Variants in GALNT17 observed in about 807,000 individuals in gnomAD.
The protein encoded by GALNT17 is UDP-GalNAc:polypeptide N-acetylgalactosaminyltransferase-like 3.
In GALNT17, 29 loss-of-function variants were observed where a neutral mutation model predicts 63.7. That is an observed-to-expected ratio of 0.46 (90% CI 0.34 to 0.62). The LOEUF (loss-of-function observed/expected upper bound fraction) is 0.62, where lower values mean the gene tolerates loss of function less well. Among genes scored for constraint, GALNT17 ranks in the 20% least tolerant of loss-of-function variants. The pLI is 0.01. For missense variants in GALNT17, 603 were observed against 799.6 expected, an observed-to-expected ratio of 0.75 and a Z score of 2.97; for synonymous variants, 305 against 318.3, an observed-to-expected ratio of 0.96 and a Z score of 0.45.
intron 1 of GALNT17, among the ~76,000 whole-genome samples, chr7:71,224,039 G>T (rs1789637048): frequency 6.6e-6 from 1 of 152,058 alleles, no homozygotes; most frequent in Admixed American, 6.6e-5. Flanking sequence ...AAGAAGCAGA[G>T]AAGCAGGTGT....
chr7:71,581,801 G>A (rs1477651380), intron 6 of GALNT17, among the ~76,000 whole-genome samples: 4 of 152,118 alleles, frequency 2.6e-5, no homozygotes, highest in Admixed American at 1.3e-4. Flanking sequence ...TGAGTTTGAG[G>A]AGTAGCAGTT....
Position 71,420,924 on chromosome 7 carries a change from T to C in GALNT17, c.781T>C (p.Ser261Pro). The change falls in exon 5 of 11, where the codon TCC becomes CCC. Residue 261 changes from serine (S) to proline (P), a missense_variant. By Grantham distance (74) the Ser-to-Pro change is moderately conservative. This residue lies in a region of GALNT17 where 336 missense variants were observed against 507.8 expected (regional missense o/e 0.66). Transcript: ENST00000333538. ...FTAGWAEPVLSRIQENRKRVI... is the reference protein window; with the variant it reads ...FTAGWAEPVLPRIQENRKRVI... ...ATGTTTCAGGGCTGAGCCGGTTCTA[T>C]CCCGCATCCAGGAAAACCGGAAGCG... is the stretch of plus-strand genomic sequence containing the variant. 1 of 1,614,124 alleles carries C rather than the reference T, an allele frequency of 6.2e-7. No homozygotes were observed. The highest frequency in any genetic ancestry group is 1.1e-5 in the South Asian group (1 of 91,080).
intron 1 of GALNT17, among the ~76,000 whole-genome samples, chr7:71,201,031 C>T (rs1379817458): frequency 2.0e-5 from 3 of 151,790 alleles, no homozygotes; most frequent in African/African-American, 7.3e-5. Flanking sequence ...ATCTCTCTGC[C>T]AAAATTGGGC....
At chr7:71,318,167 A>G (rs896748400) in intron 1 of GALNT17, among the ~76,000 whole-genome samples, 1 of 152,172 alleles carries the variant, frequency 6.6e-6, no homozygotes. Flanking sequence ...TGGCCTCCCA[A>G]GTACTGGGAT....
intron 1 of GALNT17, among the ~76,000 whole-genome samples, chr7:71,316,160 AAGGCAGGAGCCTCGC>A (rs1791494135): frequency 7.1e-6 from 1 of 141,320 alleles, no homozygotes; most frequent in Non-Finnish European, 1.6e-5. Flanking sequence ...CAAAGGGAGG[AAGGCAGGAGCCTCGC>A]AGGCCGCCTG....
chr7:71,420,258 G>C (rs2116450205), intron 4 of GALNT17, among the ~76,000 whole-genome samples: 1 of 152,322 alleles, frequency 6.6e-6, no homozygotes, highest in African/African-American at 2.4e-5. Flanking sequence ...TCGAGCTGGG[G>C]AAGTGAGCAG....
chr7:71,524,857 G>T (rs1327735293), intron 5 of GALNT17, among the ~76,000 whole-genome samples: 1 of 152,092 alleles, frequency 6.6e-6, no homozygotes, highest in African/African-American at 2.4e-5. Flanking sequence ...TTTAAACTCA[G>T]TTTTGGAGTC....
chr7:71,469,752 GT>G (rs1787597282), intron 5 of GALNT17, among the ~76,000 whole-genome samples: 1 of 152,194 alleles, frequency 6.6e-6, no homozygotes, highest in African/African-American at 2.4e-5. Flanking sequence ...ATGTAAGGAG[GT>G]AGCTTTAGGC....
chr7:71,486,370 TAATAATA>T (rs1787909432), intron 5 of GALNT17, among the ~76,000 whole-genome samples: 1 of 138,218 alleles, frequency 7.2e-6, no homozygotes, highest in Non-Finnish European at 1.5e-5. Context: ...ATAATAATAA[TAATAATA>T]ATAATAATAA....
At chr7:71,187,547 A>T (rs1372203235) in intron 1 of GALNT17, among the ~76,000 whole-genome samples, 1 of 152,150 alleles carries the variant, frequency 6.6e-6, no homozygotes, top group African/African-American at 2.4e-5. Flanking sequence ...AGCCACAAAA[A>T]TAAATGGTTT....
At chr7:71,422,371 T>A (rs529931543) in intron 5 of GALNT17, among the ~76,000 whole-genome samples, 103 of 152,342 alleles carry the variant, frequency 6.8e-4, no homozygotes, top group African/African-American at 2.4e-3. Flanking sequence ...GAATCCAGGA[T>A]TATCTCCCAT....
At chr7:71,607,266 G>C (rs1273065611) in intron 6 of GALNT17, among the ~76,000 whole-genome samples, 1 of 152,142 alleles carries the variant, frequency 6.6e-6, no homozygotes, top group Non-Finnish European at 1.5e-5. Context: ...GAAACTAAAG[G>C]AGTTCATCAT....
intron 1 of GALNT17, among the ~76,000 whole-genome samples, chr7:71,177,966 T>C (rs1333093239): frequency 6.6e-6 from 1 of 152,186 alleles, no homozygotes; most frequent in African/African-American, 2.4e-5. Context: ...TGTGGCCCTG[T>C]CTTTAATTCA....
At chr7:71,706,576 A>T (rs1031806209) in intron 9 of GALNT17, among the ~76,000 whole-genome samples, 1 of 152,136 alleles carries the variant, frequency 6.6e-6, no homozygotes, top group African/African-American at 2.4e-5. Flanking sequence ...GAATTTAAAT[A>T]TATTCAGGCA....
rs149657905 is a variant in GALNT17 at position 71,525,191 on chromosome 7, C to T, written c.963-46094C>T. On this transcript the variant is annotated intron_variant, in intron 5 of 10. Coordinates refer to ENST00000333538, the MANE Select transcript of GALNT17 (RefSeq NM_022479.3). Reference sequence around the variant, plus strand: ...GTGTGTTTTGTTTGTTTGTTTGTTTCGAGATGGAGTCTCGTTTTGTCTCCC... The same window carrying T: ...GTGTGTTTTGTTTGTTTGTTTGTTTTGAGATGGAGTCTCGTTTTGTCTCCC... Among the ~76,000 whole-genome samples the T allele has an allele frequency of 5.0e-3, 756 of 151,900 alleles. 12 individuals are homozygous for T. The highest frequency in any genetic ancestry group is 0.017 in the African/African-American group (719 of 41,456).
intron 5 of GALNT17, among the ~76,000 whole-genome samples, chr7:71,501,856 C>T (rs1296175015): frequency 6.6e-6 from 1 of 152,152 alleles, no homozygotes. Flanking sequence ...AAGCAGGAGC[C>T]ATCTCTCAGG....
At chr7:71,325,256 G>T (rs963109415) in intron 1 of GALNT17, among the ~76,000 whole-genome samples, 5 of 152,184 alleles carry the variant, frequency 3.3e-5, no homozygotes, top group Non-Finnish European at 7.4e-5. Flanking sequence ...CTAGCATAAG[G>T]TAGGATCTCC....
intron 1 of GALNT17, among the ~76,000 whole-genome samples, chr7:71,203,207 T>G (rs183451099): frequency 6.6e-6 from 1 of 152,308 alleles, no homozygotes; most frequent in African/African-American, 2.4e-5. Flanking sequence ...ATTTTTAATT[T>G]TTTGAGGAGC....
intron 2 of GALNT17, among the ~76,000 whole-genome samples, chr7:71,361,811 A>T (rs1792407125): frequency 6.6e-6 from 1 of 150,702 alleles, no homozygotes; most frequent in Admixed American, 6.6e-5. Context: ...AGAGAGACAG[A>T]GAGAGAGAGA....
Sources: gnomAD v4.1 joint callset for allele counts (sites outside exome capture counted in the v4.1 genomes callset) on GRCh38, gnomAD v4.1.1 for gene constraint, gnomAD v4.1.1 regional missense constraint, MANE v1.5 for transcripts, NCBI Gene and HGNC (gene_info 2026-07-23, HGNC 2026-07-21) for gene names.